NAALADL2: variants seen among roughly 807,000 people sequenced by gnomAD.
NAALADL2 encodes the protein inactive N-acetylated-alpha-linked acidic dipeptidase-like protein 2.
Under a neutral mutation model 87.2 loss-of-function variants are expected in NAALADL2, and 76 were observed. That is an observed-to-expected ratio of 0.87 (90% CI 0.72 to 1.05). The LOEUF is 1.05. Ranked by LOEUF, NAALADL2 falls within the 50% of genes least tolerant of loss-of-function variation. The pLI, the probability that NAALADL2 is intolerant of heterozygous loss-of-function variation, is 0.00. For synonymous variants in NAALADL2, 354 were observed against 331.0 expected (o/e 1.07, Z -0.75); for missense variants, 1,089 against 945.8 (o/e 1.15, Z -1.99).
At chr3:174,552,643 A>G (rs1483327832) in intron 2 of NAALADL2, among the ~76,000 whole-genome samples, 1 of 151,816 alleles carries the variant, frequency 6.6e-6, no homozygotes, top group Non-Finnish European at 1.5e-5. Flanking sequence ...AAAAAATACC[A>G]AAATTAGCTG....
At chr3:175,570,773 G>A (rs991300232) in intron 9 of NAALADL2, among the ~76,000 whole-genome samples, 4 of 151,634 alleles carry the variant, frequency 2.6e-5, no homozygotes, top group South Asian at 2.1e-4. Flanking sequence ...CCAGCTACTC[G>A]GGAGACTGAG....
chr3:175,109,976 C>T (rs1294649026), intron 2 of NAALADL2, among the ~76,000 whole-genome samples: 1 of 151,826 alleles, frequency 6.6e-6, no homozygotes, highest in Non-Finnish European at 1.5e-5. Context: ...ATCACTGCTC[C>T]ATTCCTACCT....
At chr3:174,481,134 A>G (rs1163477754) in intron 1 of NAALADL2, among the ~76,000 whole-genome samples, 2 of 152,144 alleles carry the variant, frequency 1.3e-5, no homozygotes, top group Non-Finnish European at 2.9e-5. Flanking sequence ...AAAGGCAGAT[A>G]GAAGGAAGAG....
intron 2 of NAALADL2, among the ~76,000 whole-genome samples, chr3:174,589,857 GT>G (rs57195579): frequency 5.0e-4 from 68 of 136,300 alleles, no homozygotes; most frequent in Non-Finnish European, 6.1e-4. Flanking sequence ...TTGTTGCTGT[GT>G]TTTTTTTTTT....
chr3:175,422,091 C>A (rs1247177886), intron 5 of NAALADL2, among the ~76,000 whole-genome samples: 1 of 152,030 alleles, frequency 6.6e-6, no homozygotes, highest in African/African-American at 2.4e-5. Context: ...GTCTTTGAAT[C>A]CCATTAGGAC....
At chr3:175,374,580 A>G (rs1766902693) in intron 5 of NAALADL2, among the ~76,000 whole-genome samples, 1 of 147,052 alleles carries the variant, frequency 6.8e-6, no homozygotes, top group South Asian at 2.1e-4. Context: ...AAAAAAAAAA[A>G]AAAAAGAAAG....
At chr3:174,837,937 G>A (rs1245052747) in intron 3 of NAALADL2, among the ~76,000 whole-genome samples, 1 of 147,110 alleles carries the variant, frequency 6.8e-6, no homozygotes, top group African/African-American at 2.5e-5. Flanking sequence ...TGACAAGATA[G>A]AGAAAGAGAG....
intron 1 of NAALADL2, among the ~76,000 whole-genome samples, chr3:174,923,799 T>C (rs921189969): frequency 2.6e-5 from 4 of 152,178 alleles, no homozygotes; most frequent in South Asian, 2.1e-4. Flanking sequence ...CTTTTGACAG[T>C]ATCTTCTGAG....
intron 9 of NAALADL2, among the ~76,000 whole-genome samples, chr3:175,495,945 ATTT>A (rs1405450242): frequency 6.6e-6 from 1 of 151,948 alleles, no homozygotes; most frequent in African/African-American, 2.4e-5. Flanking sequence ...CCAATTATAT[ATTT>A]TATTTATGAC....
At chr3:175,007,652 G>A (rs1206039415) in intron 1 of NAALADL2, among the ~76,000 whole-genome samples, 5 of 152,190 alleles carry the variant, frequency 3.3e-5, no homozygotes, top group African/African-American at 1.2e-4. Context: ...ATCCTTGGGG[G>A]ATACATTCCA....
At chr3:174,859,918 A>C (rs977679512) in intron 1 of NAALADL2, among the ~76,000 whole-genome samples, 4 of 152,100 alleles carry the variant, frequency 2.6e-5, no homozygotes, top group Admixed American at 6.6e-5. Context: ...ACTTTTTAAA[A>C]GGTAGAAAAC....
chr3:175,601,098 A>T (rs2149637972), intron 10 of NAALADL2, among the ~76,000 whole-genome samples: 1 of 152,306 alleles, frequency 6.6e-6, no homozygotes, highest in East Asian at 1.9e-4. Context: ...AGGCATACGG[A>T]TAAATGAAAG....
At chr3:175,726,325 T>A (rs1181700768) in intron 11 of NAALADL2, among the ~76,000 whole-genome samples, 1 of 151,424 alleles carries the variant, frequency 6.6e-6, no homozygotes, top group African/African-American at 2.4e-5. Flanking sequence ...AAAGTAAGCA[T>A]TTTATTTTAG....
chr3:175,776,774 A>T (rs1750303643), intron 13 of NAALADL2, among the ~76,000 whole-genome samples: 1 of 152,122 alleles, frequency 6.6e-6, no homozygotes, highest in African/African-American at 2.4e-5. Context: ...GATACAGTGG[A>T]TAAGAAGGGA....
intron 9 of NAALADL2, among the ~76,000 whole-genome samples, chr3:175,502,766 T>C (rs993678919): frequency 1.3e-5 from 2 of 152,134 alleles, no homozygotes; most frequent in East Asian, 3.9e-4. Context: ...TGTCTATTCA[T>C]TCTTGTCCCA....
chr3:175,629,172 C>T (rs894335215), intron 11 of NAALADL2, among the ~76,000 whole-genome samples: 3 of 147,738 alleles, frequency 2.0e-5, no homozygotes, highest in African/African-American at 7.4e-5. Context: ...TACATATATA[C>T]ACACATACAC....
intron 1 of NAALADL2, among the ~76,000 whole-genome samples, chr3:174,927,852 T>G (rs1736309845): frequency 6.6e-6 from 1 of 152,062 alleles, no homozygotes; most frequent in South Asian, 2.1e-4. Flanking sequence ...AGGAAATAAC[T>G]AAGATCAGAG....
chr3:174,724,349 A>C (rs944970602), intron 2 of NAALADL2, among the ~76,000 whole-genome samples: 1 of 152,150 alleles, frequency 6.6e-6, no homozygotes, highest in African/African-American at 2.4e-5. Context: ...TTATATTTTG[A>C]AATAGACTTC....
intron 1 of NAALADL2, among the ~76,000 whole-genome samples, chr3:174,488,831 C>G (rs1291072268): frequency 1.3e-5 from 2 of 152,014 alleles, no homozygotes; most frequent in Admixed American, 6.6e-5. Context: ...CAGACACCCC[C>G]CCTAACCTTT....
Sources: gnomAD v4.1 joint callset for allele counts (sites outside exome capture counted in the v4.1 genomes callset) on GRCh38, gnomAD v4.1.1 for gene constraint, MANE v1.5 for transcripts, NCBI Gene and HGNC (gene_info 2026-07-23, HGNC 2026-07-21) for gene names.